The following CFAP126 variants were observed in gnomAD, a reference collection of about 807,000 sequenced individuals.
CFAP126 encodes cilia and flagella associated protein 126, also known as protein Flattop.
CFAP126 carries 21 observed loss-of-function variants against 17.1 expected under a neutral mutation model. The ratio of observed to expected loss-of-function variants is 1.23; its 90% CI spans 0.87 to 1.77. The LOEUF is 1.77. CFAP126 is among the 40% of genes most tolerant of loss of function. CFAP126 has a pLI of 0.00. For synonymous variants in CFAP126, 65 were observed against 73.5 expected (o/e 0.88, Z 0.59); for missense variants, 174 against 215.4 (o/e 0.81, Z 1.20).
intron 3 of CFAP126, 154 bp from the exon 4 acceptor site, chr1:161,365,856 A>G (rs768897744): frequency 7.8e-5 from 62 of 790,424 alleles, no homozygotes; most frequent in Admixed American, 4.1e-4. Context: ...CCCCTCCCTC[A>G]TTTAGGCTTT....
intron 2 of CFAP126, 25 bp from the exon 3 acceptor site, chr1:161,366,303 AG>A (rs1307215638): frequency 6.3e-7 from 1 of 1,597,154 alleles, no homozygotes; most frequent in African/African-American, 1.3e-5. Context: ...GGAGAGATAA[AG>A]GTTTGTGAGG....
chr1:161,365,422 A>C, intron 4 of CFAP126, 104 bp downstream of exon 4: 1 of 1,369,156 alleles, frequency 7.3e-7, no homozygotes, highest in Admixed American at 1.8e-5. Flanking sequence ...AATTGGTTAG[A>C]GGTCCCCCAT....
Position 161,365,378 on chromosome 1 carries a change from C to T in CFAP126, c.348+148G>A, listed in dbSNP as rs893034692. 1.2e-5 allele frequency: 12 copies of T among 1,027,436 alleles called. No individual in the cohort carries two copies. The African/African-American group carries it at 1.6e-4, about 14-fold the overall frequency. 63.6% of individuals were successfully genotyped at this position (1,027,436 alleles called of 1,614,324 possible). On this transcript the variant is annotated intron_variant, in intron 4 of 4. Transcript: ENST00000367974. ...GTCCTTAGCCCATCCCTTCAGGCCT[C>T]AGAAGGTGATTAAGGACTAGTCAAG...
At chr1:161,365,424 G>A (rs1558188773) in intron 4 of CFAP126, 102 bp downstream of exon 4, 1 of 1,383,080 alleles carries the variant, frequency 7.2e-7, no homozygotes, top group Non-Finnish European at 1.0e-6. Flanking sequence ...TTGGTTAGAG[G>A]TCCCCCATGC....
chr1:161,366,771 TTTTTC>T (rs1405859980), intron 1 of CFAP126: 5 of 484,204 alleles, frequency 1.0e-5, no homozygotes, highest in African/African-American at 2.0e-5. Context: ...TTTTTAAGTT[TTTTTC>T]TTTTCTTTTT....
intron 2 of CFAP126, 76 bp from the exon 3 acceptor site, chr1:161,366,354 A>G (rs1672730153): frequency 6.4e-7 from 1 of 1,568,256 alleles, no homozygotes; most frequent in African/African-American, 1.4e-5. Context: ...TCAGAGAAGG[A>G]TATGGGAGTT....
intron 1 of CFAP126, 112 bp from the exon 2 acceptor site, chr1:161,366,613 A>C: frequency 1.1e-6 from 1 of 933,286 alleles, no homozygotes; most frequent in Non-Finnish European, 1.8e-6. Context: ...CCAACCATGT[A>C]GGCTTTAAGT....
At position 161,365,651 on chromosome 1, in the gene CFAP126, G is replaced by T. The variant is rs897227047; in HGVS notation, c.223C>A (p.Pro75Thr). 2 of 1,613,058 alleles carry T rather than the reference G, an allele frequency of 1.2e-6. No homozygotes were observed. Among genetic ancestry groups the T allele is most frequent in the African/African-American group, 1.3e-5 (1 of 74,988 alleles). Residue 75 changes from proline to threonine, a missense_variant, in exon 4 of 5, where the codon CCC becomes ACC. Pro to Thr is a conservative substitution (Grantham distance 38). Transcript: ENST00000367974. ...GAGGTCAGGGTCACCCGAGCAGGGG[G>T]TATCTTCAGAGGCATTTGCCAGGTG... ...MGTWQMPLKI[P>T]PARVTLTSRT... is the part of the protein sequence containing the mutation.
chr1:161,365,885 TC>T (rs1264937107), intron 3 of CFAP126, 183 bp from the exon 4 acceptor site: 4 of 653,960 alleles, frequency 6.1e-6, no homozygotes, highest in Non-Finnish European at 1.0e-5. Flanking sequence ...AATTTTTTCA[TC>T]CCCTTTACTC....
At position 161,365,950 on chromosome 1, in the gene CFAP126, G is replaced by C. The variant is rs548678544; in HGVS notation, c.171+248C>G. On this transcript the variant is annotated intron_variant, in intron 3 of 4. Coordinates refer to ENST00000367974, the MANE Select transcript of CFAP126 (RefSeq NM_001013625.4). ...CGAGTGTGGCAAAGGAGTACCCACTGCACAAATGTCATCACCTGAAGGCTT... is the reference window on the plus strand; with the variant it reads ...CGAGTGTGGCAAAGGAGTACCCACTCCACAAATGTCATCACCTGAAGGCTT... 51 of 604,940 alleles carry C rather than the reference G, an allele frequency of 8.4e-5. No individual in the cohort carries two copies. The East Asian group carries it at 1.2e-3, about 15-fold the overall frequency. The allele number at this position is 604,940 out of a possible 1,614,324, so 37.5% of individuals were successfully genotyped here. A position where few individuals can be genotyped will look rare whatever the true frequency, so the allele number is the denominator to read the frequency against.
At chr1:161,367,669 G>A in intron 1 of CFAP126, 173 bp downstream of exon 1, 1 of 526,042 alleles carries the variant, frequency 1.9e-6, no homozygotes, top group South Asian at 4.4e-5. Flanking sequence ...ATTTAACCAA[G>A]AGATACCTTT....
chr1:161,364,868 A>C lies in CFAP126; in HGVS notation c.*97T>G, dbSNP rs1133805. The C allele has an allele frequency of 0.076, 90,342 of 1,189,314 alleles. 4,997 individuals are homozygous for C. Among genetic ancestry groups the C allele is most frequent in the East Asian group, 0.25 (10,843 of 42,582 alleles). 73.7% of individuals were successfully genotyped at this position (1,189,314 alleles called of 1,614,324 possible). Reference sequence around the variant, plus strand: ...TATACGGGTTTTTCAGTGTGTGGCCACTTGGTCCATATGAAGTTCCAGGTT... The same window carrying C: ...TATACGGGTTTTTCAGTGTGTGGCCCCTTGGTCCATATGAAGTTCCAGGTT... On this transcript the variant is annotated 3_prime_UTR_variant, in exon 5 of 5. Transcript: ENST00000367974.
chr1:161,366,525 C>G (rs764652093), intron 1 of CFAP126, 24 bp from the exon 2 acceptor site: 9 of 1,608,108 alleles, frequency 5.6e-6, no homozygotes, highest in Non-Finnish European at 7.7e-6. Flanking sequence ...GATAAGTAGC[C>G]CTATGAGACT....
In CFAP126 at chr1:161,365,759, A is replaced by G. The variant is rs1672708718; in HGVS notation, c.172-57T>C. On this transcript the variant is annotated intron_variant, in intron 3 of 4. Transcript: ENST00000367974. ...TTCTCACTCCCAGTAACTGACTTAGACCTCTGTATTATTTCCTTTCTTTAC... is the reference window on the plus strand; with the variant it reads ...TTCTCACTCCCAGTAACTGACTTAGGCCTCTGTATTATTTCCTTTCTTTAC... The G allele has an allele frequency of 2.8e-6, 4 of 1,415,034 alleles. No individual in the cohort carries two copies. In the South Asian group the frequency reaches 5.5e-5, roughly 20 times the overall value. 87.7% of individuals were successfully genotyped at this position (1,415,034 alleles called of 1,614,324 possible).
At chr1:161,367,588 A>G (rs955197978) in intron 1 of CFAP126, 48 of 398,286 alleles carry the variant, frequency 1.2e-4, no homozygotes, top group Non-Finnish European at 7.5e-5. Context: ...CTTGGCCTGC[A>G]AAGCCTAAAA....
At position 161,365,662 on chromosome 1, in the gene CFAP126, G is replaced by A. The variant is rs1672704320; in HGVS notation, c.212C>T (p.Pro71Leu). 6.2e-7 allele frequency: 1 copy of A among 1,607,520 alleles called. No individual in the cohort carries two copies. Among genetic ancestry groups the A allele is most frequent in the Non-Finnish European group, 8.5e-7 (1 of 1,176,958 alleles). The part of the protein sequence containing the change: ...WGSFMGTWQM[P>L]LKIPPARVTL... Reference sequence around the variant, plus strand: ...CACCCGAGCAGGGGGTATCTTCAGAGGCATTTGCCAGGTGCCCATGAAGGA... The same window carrying A: ...CACCCGAGCAGGGGGTATCTTCAGAAGCATTTGCCAGGTGCCCATGAAGGA... The change falls in exon 4 of 5, where the codon CCT becomes CTT. Residue 71 changes from proline (P) to leucine (L), a missense_variant. By Grantham distance (98) the Pro-to-Leu change is moderately conservative (BLOSUM62 -3). Coordinates refer to ENST00000367974, the MANE Select transcript of CFAP126 (RefSeq NM_001013625.4).
At position 161,364,968 on chromosome 1, in the gene CFAP126, G is replaced by T. The variant is rs1672675025; in HGVS notation, c.531C>A (p.Ser177=). The T allele has an allele frequency of 3.1e-6, 5 of 1,613,818 alleles. No homozygotes were observed. The highest frequency in any genetic ancestry group is 1.7e-5 in the Admixed American group (1 of 59,996). Residue 177 remains serine (S), a synonymous_variant, in exon 5 of 5, where the codon TCC becomes TCA. Coordinates refer to ENST00000367974, the MANE Select transcript of CFAP126 (RefSeq NM_001013625.4). The part of the protein sequence containing the change: ...HTPGPQRPAK[S] ...ACGTGGACTTCCAGGTGGGCTCTTAGGATTTGGCTGGTCTTTGGGGACCTG... is the reference window on the plus strand; with the variant it reads ...ACGTGGACTTCCAGGTGGGCTCTTATGATTTGGCTGGTCTTTGGGGACCTG...
At position 161,364,926 on chromosome 1, in the gene CFAP126, GCCC is replaced by G; in HGVS notation, c.*36_*38del. ...CTGGACCTCAGCTAGATTAGGCCCT[GCCC>G]AGAGTTCTAGCATACGTGGACTTCC... is the stretch of plus-strand genomic sequence containing the variant. On this transcript the variant is annotated 3_prime_UTR_variant, in exon 5 of 5. Transcript: ENST00000367974. The G allele has an allele frequency of 6.3e-7, 1 of 1,586,138 alleles. No individual in the cohort carries two copies. Among genetic ancestry groups the G allele is most frequent in the South Asian group, 1.1e-5 (1 of 90,350 alleles).
intron 1 of CFAP126, 31 bp downstream of exon 1, chr1:161,367,811 A>G (rs751732066): frequency 4.9e-5 from 79 of 1,598,820 alleles, no homozygotes; most frequent in Non-Finnish European, 5.4e-5. Context: ...AACAAAAGTA[A>G]ACGTTAAAGA....
Sources: gnomAD v4.1 joint callset for allele counts on GRCh38, gnomAD v4.1.1 for gene constraint, MANE v1.5 for transcripts, NCBI Gene and HGNC (gene_info 2026-07-23, HGNC 2026-07-21) for gene names.